OR51C1: variants seen among roughly 807,000 people sequenced by gnomAD.
The protein encoded by OR51C1 is olfactory receptor family 51 subfamily C member 1.
the OR51C1 span, chr11:4,692,149 A>C: frequency 1.5e-5 from 7 of 452,770 alleles, no homozygotes; most frequent in Non-Finnish European, 3.1e-5. Context: ...TGGAACAGCA[A>C]TATTACATTG....
the OR51C1 span, among the ~76,000 whole-genome samples, chr11:4,693,078 C>CA: frequency 2.0e-5 from 3 of 151,574 alleles, no homozygotes; most frequent in African/African-American, 7.3e-5. Flanking sequence ...TAGTATATTT[C>CA]AAAAAAACTA....
At chr11:4,693,404 AG>A in the OR51C1 span, among the ~76,000 whole-genome samples, 1 of 152,202 alleles carries the variant, frequency 6.6e-6, no homozygotes, top group Non-Finnish European at 1.5e-5. Context: ...AAGAATTCCC[AG>A]GCTTTCAGAA....
the OR51C1 span, chr11:4,691,718 C>T: frequency 2.8e-6 from 1 of 355,986 alleles, no homozygotes; most frequent in African/African-American, 2.1e-5. Flanking sequence ...ATTAAAAGTA[C>T]AGAACGAGAT....
chr11:4,693,443 T>G, the OR51C1 span, among the ~76,000 whole-genome samples: 1 of 152,196 alleles, frequency 6.6e-6, no homozygotes, highest in Non-Finnish European at 1.5e-5. Context: ...TTGAGCAGGC[T>G]GGGCGCGGTG....
chr11:4,697,238 C>T, the OR51C1 span, among the ~76,000 whole-genome samples: 1 of 152,148 alleles, frequency 6.6e-6, no homozygotes, highest in Admixed American at 6.5e-5. Flanking sequence ...TTACTGAAAT[C>T]TACAAGTAAT....
chr11:4,693,464 G>A, the OR51C1 span, among the ~76,000 whole-genome samples: 2 of 152,198 alleles, frequency 1.3e-5, no homozygotes, highest in African/African-American at 2.4e-5. Context: ...GCTCACGCCT[G>A]TAGTCCCAGC....
chr11:4,690,627 T>A, the OR51C1 span: 2 of 302,932 alleles, frequency 6.6e-6, no homozygotes, highest in East Asian at 9.1e-5. Context: ...ACATTCCAGC[T>A]TTAACTTTAA....
At chr11:4,692,077 TA>T in the OR51C1 span, 36 of 412,366 alleles carry the variant, frequency 8.7e-5, no homozygotes, top group African/African-American at 1.5e-4. Flanking sequence ...TAAATTGTGC[TA>T]AAGAGGTAGT....
the OR51C1 span, among the ~76,000 whole-genome samples, chr11:4,694,709 T>C: frequency 1.3e-5 from 2 of 152,014 alleles, no homozygotes; most frequent in South Asian, 4.2e-4. Flanking sequence ...CTATCAGCAG[T>C]AACAGAAACA....
At chr11:4,694,087 A>G in the OR51C1 span, among the ~76,000 whole-genome samples, 3 of 152,190 alleles carry the variant, frequency 2.0e-5, no homozygotes, top group Non-Finnish European at 4.4e-5. Context: ...ATTTTATGTA[A>G]CCACTTAAAA....
the OR51C1 span, chr11:4,691,521 A>G: frequency 2.2e-6 from 1 of 456,976 alleles, no homozygotes; most frequent in Non-Finnish European, 4.4e-6. Context: ...GAAATAGTAC[A>G]TTGGTTCGTG....
chr11:4,690,977 T>C, the OR51C1 span: 13 of 454,508 alleles, frequency 2.9e-5, no homozygotes, highest in South Asian at 9.4e-5. Context: ...GGGAGACACA[T>C]GTACTGAAGG....
the OR51C1 span, chr11:4,691,531 G>T: frequency 2.2e-6 from 1 of 457,014 alleles, no homozygotes; most frequent in Admixed American, 2.3e-5. Flanking sequence ...ATTGGTTCGT[G>T]GAGGCTGGGC....
At chr11:4,690,620 T>A in the OR51C1 span, 1 of 301,448 alleles carries the variant, frequency 3.3e-6, no homozygotes, top group Non-Finnish European at 6.4e-6. Flanking sequence ...TCTAGATACA[T>A]TCCAGCTTTA....
At chr11:4,693,370 CTG>C in the OR51C1 span, among the ~76,000 whole-genome samples, 2 of 152,188 alleles carry the variant, frequency 1.3e-5, no homozygotes, top group Non-Finnish European at 2.9e-5. Context: ...TGAAAGATTT[CTG>C]TGTTTTATGT....
chr11:4,692,512 G>A, the OR51C1 span, among the ~76,000 whole-genome samples: 371 of 152,336 alleles, frequency 2.4e-3, 3 homozygotes, highest in South Asian at 0.012. Flanking sequence ...CTAATTGAAT[G>A]TTACTGTTTT....
the OR51C1 span, among the ~76,000 whole-genome samples, chr11:4,696,687 C>T: frequency 3.9e-5 from 6 of 152,152 alleles, no homozygotes; most frequent in African/African-American, 9.7e-5. Context: ...CTCTCCAATC[C>T]ATATATACTT....
the OR51C1 span, chr11:4,691,838 C>A: frequency 3.5e-6 from 1 of 288,356 alleles, no homozygotes; most frequent in East Asian, 8.9e-5. Context: ...CTATGAATGG[C>A]TCATTTAAAT....
At chr11:4,691,712 A>G in the OR51C1 span, 2 of 360,046 alleles carry the variant, frequency 5.6e-6, no homozygotes, top group African/African-American at 2.1e-5. Context: ...TGATGAATTA[A>G]AAGTACAGAA....
Sources: gnomAD v4.1 joint callset for allele counts (sites outside exome capture counted in the v4.1 genomes callset) on GRCh38, gnomAD v4.1.1 for gene constraint, MANE v1.5 for transcripts, NCBI Gene and HGNC (gene_info 2026-07-23, HGNC 2026-07-21) for gene names.